ERCC6: variants seen among roughly 807,000 people sequenced by gnomAD.
ERCC6 encodes ERCC excision repair 6, chromatin remodeling factor, also known as DNA excision repair protein ERCC-6.
In ERCC6, 116 loss-of-function variants were observed where a neutral mutation model predicts 158.7. That is an observed-to-expected ratio of 0.73 (90% CI 0.63 to 0.85). The LOEUF (loss-of-function observed/expected upper bound fraction) is 0.85, where lower values mean the gene tolerates loss of function less well. ERCC6 is among the 40% of genes least tolerant of loss of function. ERCC6 has a pLI of 0.00. For missense variants in ERCC6, 1,698 were observed against 1,799.4 expected (o/e 0.94, Z 1.02); for synonymous variants, 678 against 659.3 (o/e 1.03, Z -0.43).
Position 49,474,638 on chromosome 10 carries a change from A to C in ERCC6, c.2383-396T>G, listed in dbSNP as rs1215385206. On this transcript the variant is annotated intron_variant, in intron 12 of 20. Transcript: ENST00000355832. ...TAAATTTGGAGACATCAGTCATGTGACTTATCAAATGCATTTAAATATTAC... is the reference window on the plus strand; with the variant it reads ...TAAATTTGGAGACATCAGTCATGTGCCTTATCAAATGCATTTAAATATTAC... 2.0e-5 allele frequency among the ~76,000 whole-genome samples: 3 copies of C among 152,220 alleles called. No homozygotes were observed. In the East Asian group the frequency reaches 5.8e-4, roughly 29 times the overall value.
At chr10:49,515,192 C>CA in intron 5 of ERCC6, 1 of 1,304,304 alleles carries the variant, frequency 7.7e-7, no homozygotes, top group Non-Finnish European at 9.7e-7. Context: ...ATTCAAGGAA[C>CA]AAAAATTTGA....
Position 49,539,057 on chromosome 10 carries a change from G to A in ERCC6, c.-110C>T, listed in dbSNP as rs1053886283. On this transcript the variant is annotated 5_prime_UTR_variant, in exon 1 of 21. Coordinates refer to ENST00000355832, the MANE Select transcript of ERCC6 (RefSeq NM_000124.4). Reference sequence around the variant, plus strand: ...ACGGGCCGTGGCGCCTGCGCCCTCAGCTCAACCATAGACACCGCCCCCAAC... The same window carrying A: ...ACGGGCCGTGGCGCCTGCGCCCTCAACTCAACCATAGACACCGCCCCCAAC... 6.6e-6 allele frequency: 1 copy of A among 152,416 alleles called. No homozygotes were observed. The highest frequency in any genetic ancestry group is 2.4e-5 in the African/African-American group (1 of 41,448). The allele number at this position is 152,416 out of a possible 1,614,324, so 9.4% of individuals were successfully genotyped here.
At chr10:49,479,733 G>A (rs561554572) in intron 10 of ERCC6, among the ~76,000 whole-genome samples, 1 of 152,308 alleles carries the variant, frequency 6.6e-6, no homozygotes, top group African/African-American at 2.4e-5. Flanking sequence ...GCTGGTTGGA[G>A]GTGCTGGTCA....
the ERCC6 span, among the ~76,000 whole-genome samples, chr10:49,441,625 G>A: frequency 2.6e-5 from 4 of 152,028 alleles, no homozygotes; most frequent in Non-Finnish European, 5.9e-5. Context: ...CCAGCCGCCG[G>A]CGTCTCCGCA....
intron 7 of ERCC6, among the ~76,000 whole-genome samples, chr10:49,499,147 T>G (rs1391488904): frequency 6.6e-6 from 1 of 152,196 alleles, no homozygotes; most frequent in Non-Finnish European, 1.5e-5. Context: ...CCAAGCAAAA[T>G]GTAATAGAAT....
At position 49,528,434 on chromosome 10, in the gene ERCC6, C is replaced by T; in HGVS notation, c.635G>A (p.Ser212Asn). ...ATCCTCACCTGCATCCTCCTCCAGA[C>T]TGGCGTGATCTAGTTCAATTTTCAC... Reference protein sequence around the residue: ...AEVKIELDHASLEEDAEPGPS... With the variant: ...AEVKIELDHANLEEDAEPGPS... Residue 212 changes from serine to asparagine, a missense_variant, in exon 4 of 21, where the codon AGT (serine) becomes AAT (asparagine). Physicochemically the swap from Ser to Asn is conservative, Grantham distance 46 (BLOSUM62 1). Transcript: ENST00000355832. 1 of 1,614,234 alleles carries T rather than the reference C, an allele frequency of 6.2e-7. No individual in the cohort carries two copies. The highest frequency in any genetic ancestry group is 8.5e-7 in the Non-Finnish European group (1 of 1,180,038).
Position 49,459,135 on chromosome 10 carries a change from A to G in ERCC6, c.4162T>C (p.Ser1388Pro). 1 of 1,614,230 alleles carries G rather than the reference A, an allele frequency of 6.2e-7. No individual in the cohort carries two copies. Among genetic ancestry groups the G allele is most frequent in the African/African-American group, 1.3e-5 (1 of 75,052 alleles). The change falls in exon 21 of 21, where the codon TCA (serine) becomes CCA (proline). Residue 1388 changes from serine to proline, a missense_variant. Physicochemically the swap from Ser to Pro is moderately conservative, Grantham distance 74 (BLOSUM62 -1). Transcript: ENST00000355832. ...DSSSGPLASS[S>P]LLAKMRARNH... ...CTAGCTCTCATTTTAGCCAAGAGTGAGGAGGAAGCGAGGGGCCCGGATGAA... is the reference window on the plus strand; with the variant it reads ...CTAGCTCTCATTTTAGCCAAGAGTGGGGAGGAAGCGAGGGGCCCGGATGAA...
intron 5 of ERCC6, among the ~76,000 whole-genome samples, chr10:49,508,123 T>C (rs930135461): frequency 3.3e-5 from 5 of 152,208 alleles, no homozygotes; most frequent in African/African-American, 1.2e-4. Context: ...AGCAAACTTG[T>C]GGATAACATA....
At position 49,524,189 on chromosome 10, in the gene ERCC6, T is replaced by G. The variant is rs1837250113; in HGVS notation, c.1241A>C (p.Gln414Pro). ...AATCTCCTGCACTGGCACTTTCTTC[T>G]GCCGTTTCCCGCCCTTGGGCAGAGG... The part of the protein sequence containing the change: ...LKPLPKGGKR[Q>P]KKVPVQEIDD... Residue 414 changes from glutamine (Q) to proline (P), a missense_variant, in exon 5 of 21, where the codon CAG (glutamine) becomes CCG (proline). Transcript: ENST00000355832. The G allele has an allele frequency of 3.1e-6, 5 of 1,614,194 alleles. No individual in the cohort carries two copies. Among genetic ancestry groups the G allele is most frequent in the Non-Finnish European group, 4.2e-6 (5 of 1,180,036 alleles).
At chr10:49,494,362 G>A (rs1348617198) in intron 7 of ERCC6, among the ~76,000 whole-genome samples, 3 of 151,944 alleles carry the variant, frequency 2.0e-5, no homozygotes, top group South Asian at 2.1e-4. Context: ...TAAATAAGAT[G>A]GAATATCATA....
chr10:49,450,605 A>G (rs1403569035), downstream of ERCC6, among the ~76,000 whole-genome samples: 1 of 152,156 alleles, frequency 6.6e-6, no homozygotes, highest in Non-Finnish European at 1.5e-5. Context: ...TGTCATCTTA[A>G]CAGCATTAAC....
chr10:49,511,889 G>A (rs541040398), intron 5 of ERCC6, among the ~76,000 whole-genome samples: 1 of 152,232 alleles, frequency 6.6e-6, no homozygotes, highest in South Asian at 2.1e-4. Flanking sequence ...GGGGAGGCCT[G>A]AACTTTAGAA....
intron 18 of ERCC6, among the ~76,000 whole-genome samples, chr10:49,467,893 A>T (rs570700505): frequency 1.4e-4 from 22 of 152,230 alleles, no homozygotes; most frequent in Middle Eastern, 3.4e-3. Context: ...GGTTCCAGAC[A>T]TTGTGAATTT....
intron 1 of ERCC6, 143 bp from the exon 2 acceptor site, chr10:49,533,121 AT>A: frequency 9.4e-7 from 1 of 1,068,474 alleles, no homozygotes; most frequent in Non-Finnish European, 1.3e-6. Context: ...CCAAGTATTA[AT>A]TTACTAAAAA....
At chr10:49,481,822 G>A (rs973638936) in intron 10 of ERCC6, among the ~76,000 whole-genome samples, 24 of 152,160 alleles carry the variant, frequency 1.6e-4, no homozygotes, top group Admixed American at 1.3e-4. Flanking sequence ...TGCCACCTGC[G>A]TCTCCTGCCC....
chr10:49,466,598 CAA>C (rs1257995069), intron 18 of ERCC6, among the ~76,000 whole-genome samples: 1 of 152,194 alleles, frequency 6.6e-6, no homozygotes, highest in African/African-American at 2.4e-5. Flanking sequence ...CCGTCACCTG[CAA>C]AACTCATGTC....
At chr10:49,530,632 T>G in intron 3 of ERCC6, 88 bp downstream of exon 3, 1 of 1,571,538 alleles carries the variant, frequency 6.4e-7, no homozygotes, top group Non-Finnish European at 8.6e-7. Context: ...TCACATCTTA[T>G]AAGCACTTTT....
chr10:49,520,061 C>A (rs571672667), intron 5 of ERCC6, among the ~76,000 whole-genome samples: 22 of 152,368 alleles, frequency 1.4e-4, no homozygotes, highest in African/African-American at 5.0e-4. Flanking sequence ...TACAACTGTG[C>A]AGGGCACATA....
chr10:49,436,572 G>A, the ERCC6 span, among the ~76,000 whole-genome samples: 1 of 152,130 alleles, frequency 6.6e-6, no homozygotes, highest in African/African-American at 2.4e-5. Flanking sequence ...TAGACATAAA[G>A]AAAATCAAAT....
Sources: allele counts gnomAD v4.1 joint callset (sites outside exome capture counted in the v4.1 genomes callset), GRCh38; gene constraint gnomAD v4.1.1; transcripts MANE v1.5; gene names NCBI Gene and HGNC (gene_info 2026-07-23, HGNC 2026-07-21).